MBTPS1: variants seen among roughly 807,000 people sequenced by gnomAD.
MBTPS1 encodes membrane-bound transcription factor site-1 protease.
MBTPS1 carries 94 observed loss-of-function variants against 127.8 expected under a neutral mutation model. The ratio of observed to expected loss-of-function variants is 0.74; its 90% CI spans 0.62 to 0.87. The LOEUF (loss-of-function observed/expected upper bound fraction) is 0.87. MBTPS1 is among the 40% of genes least tolerant of loss of function. The pLI is 0.00. For synonymous variants in MBTPS1, 632 were observed against 509.4 expected, an observed-to-expected ratio of 1.24 and a Z score of -3.24; for missense variants, 1,636 against 1,353.2, an observed-to-expected ratio of 1.21 and a Z score of -3.28.
At chr16:84,073,698 C>T (rs2085807140) in intron 12 of MBTPS1, among the ~76,000 whole-genome samples, 2 of 151,926 alleles carry the variant, frequency 1.3e-5, no homozygotes, top group South Asian at 2.1e-4. Flanking sequence ...ACCGTATCTT[C>T]CAAACACATT....
chr16:84,055,660 C>A (rs1382244832), intron 22 of MBTPS1, among the ~76,000 whole-genome samples: 6 of 144,774 alleles, frequency 4.1e-5, no homozygotes, highest in Non-Finnish European at 9.1e-5. Flanking sequence ...AACCAGCAGA[C>A]AGGCATCCTG....
chr16:84,065,447 G>A (rs1175822525), intron 18 of MBTPS1, among the ~76,000 whole-genome samples: 1 of 152,096 alleles, frequency 6.6e-6, no homozygotes, highest in Non-Finnish European at 1.5e-5. Flanking sequence ...AATGGGCATG[G>A]GATTTCTTAT....
chr16:84,083,117 A>G (rs2085965561), intron 10 of MBTPS1, among the ~76,000 whole-genome samples: 1 of 152,234 alleles, frequency 6.6e-6, no homozygotes, highest in Non-Finnish European at 1.5e-5. Flanking sequence ...CAGAGCCCTC[A>G]CTTCCTGCTA....
chr16:84,070,888 T>A, intron 12 of MBTPS1, 112 bp from the exon 13 acceptor site: 1 of 776,760 alleles, frequency 1.3e-6, no homozygotes, highest in Non-Finnish European at 2.0e-6. Context: ...AATACTTCAC[T>A]AAATAGGGAA....
chr16:84,058,543 C>T (rs2085555083), intron 21 of MBTPS1, among the ~76,000 whole-genome samples: 1 of 152,190 alleles, frequency 6.6e-6, no homozygotes, highest in Admixed American at 6.5e-5. Context: ...TGGCTTCATC[C>T]CCTTTCTCAG....
chr16:84,091,644 G>C, intron 7 of MBTPS1, 88 bp downstream of exon 7: 1 of 857,060 alleles, frequency 1.2e-6, no homozygotes, highest in Non-Finnish European at 2.0e-6. Context: ...TGGATGAAAA[G>C]CCACCAACAC....
chr16:84,097,525 T>C lies in MBTPS1; in HGVS notation c.421+1528A>G, dbSNP rs370786927. On this transcript the variant is annotated intron_variant, in intron 3 of 22. Coordinates refer to ENST00000343411, the MANE Select transcript of MBTPS1 (RefSeq NM_003791.4). Reference sequence around the variant, plus strand: ...CCCGGAACACACGCAGTGGAGATGGTGTCCATGGGAATCCCATCTCCAGAG... The same window carrying C: ...CCCGGAACACACGCAGTGGAGATGGCGTCCATGGGAATCCCATCTCCAGAG... Among the ~76,000 whole-genome samples the C allele has an allele frequency of 3.8e-3, 581 of 152,292 alleles. 4 individuals are homozygous for C. Among genetic ancestry groups the C allele is most frequent in the African/African-American group, 0.013 (544 of 41,554 alleles).
chr16:84,067,707 A>C lies in MBTPS1; in HGVS notation c.2188T>G (p.Ser730Ala). 1 of 1,613,998 alleles carries C rather than the reference A, an allele frequency of 6.2e-7. No individual in the cohort carries two copies. Among genetic ancestry groups the C allele is most frequent in the East Asian group, 2.2e-5 (1 of 44,886 alleles). The change falls in exon 16 of 23, where the codon TCT becomes GCT. Residue 730 changes from serine to alanine, a missense_variant. By Grantham distance (99) the Ser-to-Ala change is moderately conservative. Coordinates refer to ENST00000343411, the MANE Select transcript of MBTPS1 (RefSeq NM_003791.4). ...LVIFSDWYNT[S>A]VMRKVKFYDE... ...TAAAACTTCACTTTTCTCATAACAGAAGTGTTGTACCAGTCACTGAAGATG... is the reference window on the plus strand; with the variant it reads ...TAAAACTTCACTTTTCTCATAACAGCAGTGTTGTACCAGTCACTGAAGATG...
intron 6 of MBTPS1, among the ~76,000 whole-genome samples, 189 bp downstream of exon 6, chr16:84,092,999 G>C (rs547879604): frequency 7.9e-5 from 12 of 152,344 alleles, no homozygotes; most frequent in Admixed American, 3.9e-4. Flanking sequence ...TCGACACAGT[G>C]GTTGGTGGGA....
At chr16:84,091,898 G>T in intron 6 of MBTPS1, 50 bp from the exon 7 acceptor site, 1 of 1,051,212 alleles carries the variant, frequency 9.5e-7, no homozygotes, top group Non-Finnish European at 1.5e-6. Flanking sequence ...AAGTTTTAAA[G>T]TGCTAGGACA....
chr16:84,108,789 T>A (rs1440252633), intron 1 of MBTPS1, among the ~76,000 whole-genome samples: 2 of 152,058 alleles, frequency 1.3e-5, no homozygotes, highest in African/African-American at 4.8e-5. Flanking sequence ...GGCAGTGGGG[T>A]GATAGCAGTG....
chr16:84,087,636 T>C (rs1393401139), intron 8 of MBTPS1, among the ~76,000 whole-genome samples, 176 bp from the exon 9 acceptor site: 1 of 152,122 alleles, frequency 6.6e-6, no homozygotes, highest in East Asian at 1.9e-4. Flanking sequence ...AAACGCATGA[T>C]CCTGCCACGT....
At chr16:84,055,264 A>G (rs1167615034) in intron 22 of MBTPS1, among the ~76,000 whole-genome samples, 2 of 152,170 alleles carry the variant, frequency 1.3e-5, no homozygotes, top group African/African-American at 4.8e-5. Flanking sequence ...GGACCCTGGC[A>G]CCACCACGTG....
chr16:84,097,548 G>A (rs185302390), intron 3 of MBTPS1, among the ~76,000 whole-genome samples: 7 of 152,296 alleles, frequency 4.6e-5, no homozygotes, highest in African/African-American at 1.7e-4. Flanking sequence ...CCCATCTCCA[G>A]AGAGTCTAGG....
intron 3 of MBTPS1, 136 bp from the exon 4 acceptor site, chr16:84,095,941 T>G (rs1597342474): frequency 6.1e-6 from 4 of 657,604 alleles, no homozygotes; most frequent in Admixed American, 2.7e-5. Context: ...TTATCTTCTT[T>G]TTCTGGAAGG....
At chr16:84,115,174 G>C (rs181150327) in intron 1 of MBTPS1, among the ~76,000 whole-genome samples, 85 of 152,178 alleles carry the variant, frequency 5.6e-4, no homozygotes, top group African/African-American at 2.0e-3. Flanking sequence ...TGATCCGCCC[G>C]CCTCGGCCTC....
chr16:84,082,598 C>T (rs1376066392), intron 10 of MBTPS1, among the ~76,000 whole-genome samples: 1 of 152,038 alleles, frequency 6.6e-6, no homozygotes. Context: ...ATTATAAATA[C>T]AAGTGAATTT....
Position 84,054,382 on chromosome 16 carries a change from C to G in MBTPS1, c.*67G>C, listed in dbSNP as rs1252697339. Reference sequence around the variant, plus strand: ...CCTTTTAAACCAGCCGCCACCACAGCTCGGCTCACCCACCAGCGCCGTCCG... The same window carrying G: ...CCTTTTAAACCAGCCGCCACCACAGGTCGGCTCACCCACCAGCGCCGTCCG... On this transcript the variant is annotated 3_prime_UTR_variant, in exon 23 of 23. Transcript: ENST00000343411. The G allele has an allele frequency of 1.4e-6, 2 of 1,417,460 alleles. No homozygotes were observed. Among genetic ancestry groups the G allele is most frequent in the Non-Finnish European group, 1.9e-6 (2 of 1,059,462 alleles). The allele number at this position is 1,417,460 out of a possible 1,614,324, so 87.8% of individuals were successfully genotyped here. A position where few individuals can be genotyped will look rare whatever the true frequency, so the allele number is the denominator to read the frequency against.
intron 1 of MBTPS1, among the ~76,000 whole-genome samples, chr16:84,110,508 T>A (rs1470540247): frequency 6.6e-6 from 1 of 152,232 alleles, no homozygotes. Flanking sequence ...AATTTTCACA[T>A]ATGTATTAAA....
Sources: allele counts gnomAD v4.1 joint callset (sites outside exome capture counted in the v4.1 genomes callset), GRCh38; gene constraint gnomAD v4.1.1; transcripts MANE v1.5; gene names NCBI Gene and HGNC (gene_info 2026-07-23, HGNC 2026-07-21).